Variants in CACNA1A observed in about 807,000 individuals in gnomAD.
The protein encoded by CACNA1A is calcium voltage-gated channel subunit alpha1 A, also known as voltage-dependent P/Q-type calcium channel subunit alpha-1A.
A neutral mutation model predicts 262.4 loss-of-function variants in CACNA1A; 57 were observed. The observed-to-expected ratio is 0.22, with a 90% CI of 0.18 to 0.27. CACNA1A has a LOEUF of 0.27. CACNA1A is among the 10% of genes least tolerant of loss of function. The pLI is 1.00. For missense variants in CACNA1A, 2,526 were observed against 3,562.8 expected, an observed-to-expected ratio of 0.71 and a Z score of 7.41; for synonymous variants, 1,431 against 1,419.3, an observed-to-expected ratio of 1.01 and a Z score of -0.18.
chr19:13,303,903 A>G lies in CACNA1A; in HGVS notation c.1987-19T>C. On this transcript the variant is annotated intron_variant, in intron 15 of 46. Coordinates refer to ENST00000360228, the MANE Select transcript of CACNA1A (RefSeq NM_001127222.2). ...TCAGGATCTGAAAGGGGAGGAAGAA[A>G]CACACAGCCAACCCCCCTCTCAGCC... The G allele has an allele frequency of 6.4e-7, 1 of 1,554,718 alleles. No individual in the cohort carries two copies. Among genetic ancestry groups the G allele is most frequent in the Non-Finnish European group, 8.8e-7 (1 of 1,130,120 alleles).
intron 1 of CACNA1A, among the ~76,000 whole-genome samples, chr19:13,456,650 G>A (rs1036506819): frequency 6.6e-6 from 1 of 152,146 alleles, no homozygotes; most frequent in Admixed American, 6.5e-5. Context: ...CTCCAGCCTG[G>A]GCGACAGAGC....
Position 13,307,764 on chromosome 19 carries a change from G to A in CACNA1A, c.1986+18C>T, listed in dbSNP as rs1054537497. 1 of 1,611,904 alleles carries A rather than the reference G, an allele frequency of 6.2e-7. No individual in the cohort carries two copies. The highest frequency in any genetic ancestry group is 8.5e-7 in the Non-Finnish European group (1 of 1,178,080). Reference sequence around the variant, plus strand: ...ACACTGAGAGGTGTTGGCCCGTGGGGCCAGGTGGAGGCTGTACCTGAAACA... The same window carrying A: ...ACACTGAGAGGTGTTGGCCCGTGGGACCAGGTGGAGGCTGTACCTGAAACA... On this transcript the variant is annotated intron_variant, in intron 15 of 46. Transcript: ENST00000360228.
At position 13,209,360 on chromosome 19, in the gene CACNA1A, G is replaced by GGCT; in HGVS notation, c.6475_6477dup (p.Ser2159dup). The GGCT allele has an allele frequency of 7.2e-7, 1 of 1,390,796 alleles. No individual in the cohort carries two copies. Among genetic ancestry groups the GGCT allele is most frequent in the Non-Finnish European group, 9.4e-7 (1 of 1,068,116 alleles). 86.2% of individuals were successfully genotyped at this position (1,390,796 alleles called of 1,614,324 possible). On this transcript the variant is annotated inframe_insertion, in exon 45 of 47. Coordinates refer to ENST00000360228, the MANE Select transcript of CACNA1A (RefSeq NM_001127222.2). ...CCCAGGGAGCGCTCAGAGGCGCGGT[G>GGCT]GCTGCGGTCGCGGCGCCGCTGGTGG...
chr19:13,229,467 A>C (rs944392050), intron 36 of CACNA1A, among the ~76,000 whole-genome samples: 1 of 152,082 alleles, frequency 6.6e-6, no homozygotes, highest in African/African-American at 2.4e-5. Context: ...GGTGGAACCC[A>C]CCCTCTGAAA....
chr19:13,320,275 A>AGAGAGAGAGAGAGAGAGAGAGAGC (rs60301241), intron 10 of CACNA1A, among the ~76,000 whole-genome samples: 1 of 150,262 alleles, frequency 6.7e-6, no homozygotes, highest in Non-Finnish European at 1.5e-5. Flanking sequence ...AGAGAGAGAG[A>AGAGAGAGAGAGAGAGAGAGAGAGC]AACCACAGCA....
intron 31 of CACNA1A, among the ~76,000 whole-genome samples, chr19:13,242,582 C>T (rs2144681086): frequency 6.6e-6 from 1 of 152,356 alleles, no homozygotes. Flanking sequence ...AGGCGTGAGC[C>T]ACCATGCCCG....
chr19:13,292,371 G>C (rs755531838), intron 19 of CACNA1A, among the ~76,000 whole-genome samples: 4 of 152,176 alleles, frequency 2.6e-5, no homozygotes, highest in Non-Finnish European at 5.9e-5. Context: ...CCAGCACTTT[G>C]GGAGGCTGAG....
intron 5 of CACNA1A, chr19:13,362,726 T>C (rs542457886): frequency 6.6e-6 from 1 of 152,204 alleles, no homozygotes; most frequent in Non-Finnish European, 1.5e-5. Context: ...CTGTTAAAAA[T>C]GGCTGCAAAT....
chr19:13,422,894 G>C (rs912710093), intron 3 of CACNA1A, among the ~76,000 whole-genome samples: 1 of 152,248 alleles, frequency 6.6e-6, no homozygotes, highest in Non-Finnish European at 1.5e-5. Context: ...GCTCATGCCT[G>C]ATCTCCCCTG....
intron 11 of CACNA1A, chr19:13,316,333 G>C (rs1298108500): frequency 6.6e-6 from 1 of 152,122 alleles, no homozygotes; most frequent in South Asian, 2.1e-4. Context: ...ATCTTTTGCT[G>C]CTTTTCCTCA....
intron 3 of CACNA1A, among the ~76,000 whole-genome samples, chr19:13,434,492 T>C (rs1239704027): frequency 6.6e-5 from 10 of 152,170 alleles, no homozygotes; most frequent in African/African-American, 9.7e-5. Context: ...TGGTGGAAGG[T>C]AATTGGATCA....
At chr19:13,414,273 C>T (rs2060183217) in intron 3 of CACNA1A, among the ~76,000 whole-genome samples, 2 of 152,076 alleles carry the variant, frequency 1.3e-5, no homozygotes, top group Admixed American at 6.6e-5. Context: ...TGGTGCATGC[C>T]TGTGGTCCCA....
chr19:13,237,351 G>A (rs1266778303), intron 31 of CACNA1A, among the ~76,000 whole-genome samples: 2 of 152,128 alleles, frequency 1.3e-5, no homozygotes, highest in East Asian at 1.9e-4. Context: ...TACAGGCCAC[G>A]TAGCAAGATT....
chr19:13,413,893 GAAAA>G (rs372298106), intron 3 of CACNA1A, among the ~76,000 whole-genome samples: 2 of 48,460 alleles, frequency 4.1e-5, no homozygotes, highest in African/African-American at 1.5e-4. Flanking sequence ...AAGAAAGAAA[GAAAA>G]AGAAAGAAAG....
At chr19:13,249,326 A>G (rs558248312) in intron 30 of CACNA1A, among the ~76,000 whole-genome samples, 7 of 152,154 alleles carry the variant, frequency 4.6e-5, no homozygotes, top group African/African-American at 1.7e-4. Flanking sequence ...TTTGGAGGAA[A>G]AAGGTCCATT....
chr19:13,263,579 G>A (rs2056791358), intron 24 of CACNA1A: 1 of 153,082 alleles, frequency 6.5e-6, no homozygotes, highest in Non-Finnish European at 1.5e-5. Flanking sequence ...GAGTGCAATG[G>A]TATGATCTTG....
At chr19:13,345,483 C>T (rs899322094) in intron 6 of CACNA1A, among the ~76,000 whole-genome samples, 4 of 152,134 alleles carry the variant, frequency 2.6e-5, no homozygotes, top group Non-Finnish European at 4.4e-5. Flanking sequence ...GCTTAGAAAG[C>T]GCTCCATAAA....
chr19:13,228,887 G>C, intron 36 of CACNA1A: 1 of 630,936 alleles, frequency 1.6e-6, no homozygotes, highest in South Asian at 1.7e-5. Context: ...AGGCTGGGGT[G>C]TCCCTGGCTT....
rs1275961783 is a variant in CACNA1A at position 13,283,365 on chromosome 19, G to A, written c.3724C>T (p.Leu1242=). Residue 1242 remains leucine, a synonymous_variant, in exon 22 of 47, where the codon CTG becomes TTG. Transcript: ENST00000360228. ...LRRLCHYILN[L]RYFEMCILMV... ...AGGATGCACATCTCAAAGTAGCGCA[G>A]GTTCAGGATGTAATGGCACAGGCGG... 7.4e-6 allele frequency: 12 copies of A among 1,613,894 alleles called. No homozygotes were observed. The Admixed American group carries it at 1.8e-4, about 25-fold the overall frequency.
Sources: gnomAD v4.1 joint callset for allele counts (sites outside exome capture counted in the v4.1 genomes callset) on GRCh38, gnomAD v4.1.1 for gene constraint, MANE v1.5 for transcripts, NCBI Gene and HGNC (gene_info 2026-07-23, HGNC 2026-07-21) for gene names.